The following SWAP70 variants were observed in gnomAD, a reference collection of about 807,000 sequenced individuals.
The protein encoded by SWAP70 is switching B cell complex subunit SWAP70.
A neutral mutation model predicts 80.2 loss-of-function variants in SWAP70; 34 were observed. The ratio of observed to expected loss-of-function variants is 0.42; its 90% CI spans 0.32 to 0.56. SWAP70 has a LOEUF of 0.56. SWAP70 is among the 20% of genes least tolerant of loss of function. The probability of loss-of-function intolerance (pLI) is 0.09; values close to 1 mark genes in which losing one functional copy is unlikely to be tolerated. For synonymous variants in SWAP70, 239 were observed against 238.5 expected (o/e 1.00, Z -0.02); for missense variants, 578 against 690.7 (o/e 0.84, Z 1.83).
At chr11:9,673,082 A>G (rs1850440643) in intron 1 of SWAP70, among the ~76,000 whole-genome samples, 2 of 152,120 alleles carry the variant, frequency 1.3e-5, no homozygotes, top group Admixed American at 1.3e-4. Context: ...GTTCAATTCC[A>G]ACACTATCTA....
chr11:9,728,242 C>A, intron 5 of SWAP70, 43 bp downstream of exon 5: 1 of 1,516,000 alleles, frequency 6.6e-7, no homozygotes, highest in South Asian at 1.3e-5. Context: ...CCCGTGCTGC[C>A]CCCTGATGCT....
chr11:9,715,204 C>A (rs1043806330), intron 3 of SWAP70, among the ~76,000 whole-genome samples: 1 of 152,048 alleles, frequency 6.6e-6, no homozygotes, highest in African/African-American at 2.4e-5. Flanking sequence ...GTATCAAACT[C>A]CTGGCCTCAA....
At chr11:9,701,333 A>G (rs1050498358) in intron 2 of SWAP70, among the ~76,000 whole-genome samples, 1 of 151,614 alleles carries the variant, frequency 6.6e-6, no homozygotes, top group African/African-American at 2.4e-5. Flanking sequence ...CACCACGCCC[A>G]GCTACTTTTT....
chr11:9,749,953 A>G lies in SWAP70; in HGVS notation c.1741A>G (p.Lys581Glu). 1 of 1,612,880 alleles carries G rather than the reference A, an allele frequency of 6.2e-7. No individual in the cohort carries two copies. Among genetic ancestry groups the G allele is most frequent in the Non-Finnish European group, 8.5e-7 (1 of 1,178,974 alleles). The change falls in exon 12 of 12, where the codon AAA becomes GAA. Residue 581 changes from lysine (K) to glutamate (E), a missense_variant. Physicochemically the swap from Lys to Glu is moderately conservative, Grantham distance 56. Coordinates refer to ENST00000318950, the MANE Select transcript of SWAP70 (RefSeq NM_015055.4). ...AGAGAGAGAGAAGAACTGGAAAGAG[A>G]AAAAGACCACGGAGTGACTGAGCTT... Reference protein sequence around the residue: ...LEEREKNWKEKKTTE With the variant: ...LEEREKNWKEEKTTE
intron 2 of SWAP70, 28 bp from the exon 3 acceptor site, chr11:9,713,438 G>A (rs376551480): frequency 6.3e-7 from 1 of 1,596,906 alleles, no homozygotes; most frequent in Non-Finnish European, 8.5e-7. Context: ...GGACTGATTT[G>A]TTGGAGTTTT....
intron 2 of SWAP70, among the ~76,000 whole-genome samples, chr11:9,701,691 C>CTTTTTTTTTTT (rs1163108695): frequency 2.9e-5 from 2 of 68,508 alleles, no homozygotes; most frequent in Non-Finnish European, 5.6e-5. Flanking sequence ...TTTGTGGGCT[C>CTTTTTTTTTTT]TTTTTTTTTT....
chr11:9,744,777 G>A (rs1590049956), intron 9 of SWAP70, among the ~76,000 whole-genome samples: 1 of 151,990 alleles, frequency 6.6e-6, no homozygotes, highest in Non-Finnish European at 1.5e-5. Context: ...GCGTGGTGGT[G>A]CATGCCTATA....
rs3763867 is a variant in SWAP70 at position 9,664,154 on chromosome 11, G to C, written c.-26G>C. ...CGGAGGGGCTGGCTGGGCAGGAGGG[G>C]TTGGCGGGGCAGCAGGGCCGCGGCC... On this transcript the variant is annotated 5_prime_UTR_variant, in exon 1 of 12. Transcript: ENST00000318950. 1.3e-3 allele frequency: 2,087 copies of C among 1,549,304 alleles called. 59 individuals are homozygous for C. The East Asian group carries it at 0.048, about 36-fold the overall frequency.
intron 2 of SWAP70, among the ~76,000 whole-genome samples, chr11:9,712,193 A>G (rs773978799): frequency 1.4e-4 from 22 of 152,238 alleles, no homozygotes; most frequent in South Asian, 6.2e-4. Context: ...TTGTCTTTAC[A>G]TTCCTTGGGA....
chr11:9,710,685 T>A (rs542178650), intron 2 of SWAP70, among the ~76,000 whole-genome samples: 214 of 146,686 alleles, frequency 1.5e-3, no homozygotes, highest in Admixed American at 4.5e-3. Context: ...TCAAAAAAAA[T>A]TTTTTTTTTT....
rs1414545802 is a variant in SWAP70, at chr11:9,732,609, C to T, written c.979C>T (p.Arg327Trp). 33 of 1,598,796 alleles carry T rather than the reference C, an allele frequency of 2.1e-5. No homozygotes were observed. The highest frequency in any genetic ancestry group is 1.0e-4 in the Admixed American group (6 of 58,662). The change falls in exon 7 of 12, where the codon CGG becomes TGG. Residue 327 changes from arginine to tryptophan, a missense_variant. Coordinates refer to ENST00000318950, the MANE Select transcript of SWAP70 (RefSeq NM_015055.4). Reference protein sequence around the residue: ...KEARQRRKELRKKQLAEQEEL... With the variant: ...KEARQRRKELWKKQLAEQEEL... ...AGCCCGCCAGCGTCGGAAAGAACTC[C>T]GGAAGAAGCAGCTGGCTGAACAAGA...
intron 1 of SWAP70, among the ~76,000 whole-genome samples, chr11:9,693,460 G>A (rs142043952): frequency 4.5e-4 from 68 of 152,196 alleles, no homozygotes; most frequent in African/African-American, 1.4e-3. Context: ...CCATGTTGGC[G>A]ACTCCTATTT....
At chr11:9,696,028 G>A (rs1850753372) in intron 2 of SWAP70, among the ~76,000 whole-genome samples, 1 of 152,134 alleles carries the variant, frequency 6.6e-6, no homozygotes, top group South Asian at 2.1e-4. Context: ...GGTTGTTAAA[G>A]TGTGGAAGTG....
At chr11:9,677,048 CTT>C (rs1008591382) in intron 1 of SWAP70, among the ~76,000 whole-genome samples, 5 of 143,460 alleles carry the variant, frequency 3.5e-5, no homozygotes, top group Admixed American at 7.0e-5. Flanking sequence ...GTATTTCTCT[CTT>C]TTTTTTTTTT....
At chr11:9,743,127 C>T (rs1457595791) in intron 9 of SWAP70, among the ~76,000 whole-genome samples, 2 of 147,078 alleles carry the variant, frequency 1.4e-5, no homozygotes, top group African/African-American at 5.0e-5. Flanking sequence ...TCAGTTCCCA[C>T]CTATGAGTGA....
chr11:9,719,266 C>T (rs1851105641), intron 3 of SWAP70, among the ~76,000 whole-genome samples: 1 of 151,668 alleles, frequency 6.6e-6, no homozygotes, highest in South Asian at 2.1e-4. Flanking sequence ...ATTAGCCAGG[C>T]AGGGGTGCTG....
chr11:9,705,305 G>C (rs1019832203), intron 2 of SWAP70, among the ~76,000 whole-genome samples: 5 of 144,732 alleles, frequency 3.5e-5, no homozygotes, highest in Non-Finnish European at 5.9e-5. Flanking sequence ...CTGGTGATCT[G>C]TGTATACTTG....
chr11:9,727,436 A>G (rs976675096), intron 4 of SWAP70, among the ~76,000 whole-genome samples: 2 of 152,084 alleles, frequency 1.3e-5, no homozygotes, highest in Non-Finnish European at 2.9e-5. Context: ...TGTTGCCCAC[A>G]CTGATCTTGA....
intron 1 of SWAP70, among the ~76,000 whole-genome samples, chr11:9,674,702 T>C (rs919436800): frequency 2.6e-5 from 4 of 152,134 alleles, no homozygotes; most frequent in Non-Finnish European, 5.9e-5. Flanking sequence ...CGGTGGCTCA[T>C]GCCTGTAATC....
Sources: gnomAD v4.1 joint callset for allele counts (sites outside exome capture counted in the v4.1 genomes callset) on GRCh38, gnomAD v4.1.1 for gene constraint, MANE v1.5 for transcripts, NCBI Gene and HGNC (gene_info 2026-07-23, HGNC 2026-07-21) for gene names.